Variants in PRKAR1B observed in about 807,000 individuals in gnomAD.
PRKAR1B encodes cAMP-dependent protein kinase type I-beta regulatory subunit.
PRKAR1B carries 22 observed loss-of-function variants against 46.5 expected under a neutral mutation model. The ratio of observed to expected loss-of-function variants is 0.47; its 90% CI spans 0.34 to 0.68. The LOEUF (loss-of-function observed/expected upper bound fraction) is 0.68. Among genes scored for constraint, PRKAR1B ranks in the 30% least tolerant of loss-of-function variants. The pLI is 0.01. For synonymous variants in PRKAR1B, 259 were observed against 217.7 expected (o/e 1.19, Z -1.67); for missense variants, 445 against 535.6 (o/e 0.83, Z 1.67).
chr7:720,586 G>C (rs776787309), intron 1 of PRKAR1B, among the ~76,000 whole-genome samples: 2 of 152,192 alleles, frequency 1.3e-5, no homozygotes, highest in Non-Finnish European at 2.9e-5. Flanking sequence ...GGCTGAAGTC[G>C]TCAACTGCAA....
rs535826247 is a variant in PRKAR1B at position 708,853 on chromosome 7, C to T, written c.177+2476G>A. ...TGTCGCCCAGGCCAGAGTGCAGTGA[C>T]GCATCTTTGCTCACTGCAACCTCCA... On this transcript the variant is annotated intron_variant, in intron 2 of 10. Transcript: ENST00000537384. 2.0e-5 allele frequency among the ~76,000 whole-genome samples: 3 copies of T among 148,086 alleles called. No homozygotes were observed. In the South Asian group the frequency reaches 6.5e-4, roughly 32 times the overall value.
chr7:699,306 G>T (rs149809543), intron 2 of PRKAR1B, among the ~76,000 whole-genome samples: 5 of 152,328 alleles, frequency 3.3e-5, no homozygotes, highest in Non-Finnish European at 7.3e-5. Flanking sequence ...AATTCGATGA[G>T]ATAAAGTATG....
At chr7:659,803 C>T (rs1785410645) in intron 4 of PRKAR1B, among the ~76,000 whole-genome samples, 1 of 152,156 alleles carries the variant, frequency 6.6e-6, no homozygotes, top group South Asian at 2.1e-4. Flanking sequence ...ACCTCCCGGG[C>T]TTAAGCGACC....
intron 2 of PRKAR1B, among the ~76,000 whole-genome samples, chr7:685,308 G>GTATATATATGTATACATA (rs373416786): frequency 8.8e-5 from 1 of 11,312 alleles, no homozygotes; most frequent in Non-Finnish European, 1.4e-4. Context: ...ATATATATAC[G>GTATATATATGTATACATA]TATATATACG....
intron 4 of PRKAR1B, among the ~76,000 whole-genome samples, chr7:626,181 A>G (rs950559515): frequency 2.6e-5 from 4 of 152,162 alleles, no homozygotes; most frequent in African/African-American, 9.7e-5. Flanking sequence ...GTAATTATTA[A>G]CCTTTCAAAA....
intron 9 of PRKAR1B, among the ~76,000 whole-genome samples, chr7:563,941 G>C (rs1013286229): frequency 2.0e-5 from 3 of 152,124 alleles, no homozygotes; most frequent in African/African-American, 7.2e-5. Context: ...GTGTGCATGG[G>C]TGCACACTGG....
chr7:583,163 C>T (rs890272847), intron 8 of PRKAR1B, among the ~76,000 whole-genome samples: 6 of 151,806 alleles, frequency 4.0e-5, no homozygotes, highest in Admixed American at 2.6e-4. Flanking sequence ...GTAGACTCAA[C>T]GGCCCTGAAA....
At chr7:601,495 C>T (rs1298796228) in intron 6 of PRKAR1B, among the ~76,000 whole-genome samples, 3 of 152,266 alleles carry the variant, frequency 2.0e-5, no homozygotes, top group Non-Finnish European at 4.4e-5. Flanking sequence ...AGATTCCTTA[C>T]TGAGCATCCT....
chr7:676,442 G>A (rs1218976384), intron 4 of PRKAR1B, among the ~76,000 whole-genome samples: 3 of 152,172 alleles, frequency 2.0e-5, no homozygotes, highest in Non-Finnish European at 2.9e-5. Flanking sequence ...TCTCCCCAAC[G>A]AGGCTGTGAG....
At chr7:654,461 C>A (rs2128491614) in intron 4 of PRKAR1B, among the ~76,000 whole-genome samples, 1 of 151,926 alleles carries the variant, frequency 6.6e-6, no homozygotes, top group Middle Eastern at 3.4e-3. Flanking sequence ...ATCTTCATCA[C>A]TACCATCACC....
At chr7:577,293 TCC>T (rs1173093970) in intron 9 of PRKAR1B, among the ~76,000 whole-genome samples, 1 of 152,202 alleles carries the variant, frequency 6.6e-6, no homozygotes, top group Non-Finnish European at 1.5e-5. Flanking sequence ...AGAGGTGCCC[TCC>T]TTCTGGACCC....
intron 9 of PRKAR1B, among the ~76,000 whole-genome samples, chr7:571,800 A>C (rs932034654): frequency 1.2e-4 from 18 of 152,076 alleles, no homozygotes; most frequent in Non-Finnish European, 2.5e-4. Context: ...GCACCGCCCC[A>C]CCCAGCCCCG....
intron 6 of PRKAR1B, chr7:603,316 C>T (rs1477142192): frequency 6.6e-6 from 1 of 152,356 alleles, no homozygotes; most frequent in African/African-American, 2.4e-5. Context: ...CTATCAAAGC[C>T]CAGCCGCAGA....
chr7:575,551 T>C (rs1219421233), intron 9 of PRKAR1B, among the ~76,000 whole-genome samples: 1 of 152,292 alleles, frequency 6.6e-6, no homozygotes, highest in East Asian at 1.9e-4. Flanking sequence ...TTTTTGGTTT[T>C]GGTTTTGGTT....
At chr7:656,337 A>C (rs545627583) in intron 4 of PRKAR1B, among the ~76,000 whole-genome samples, 1 of 152,236 alleles carries the variant, frequency 6.6e-6, no homozygotes, top group East Asian at 1.9e-4. Context: ...TGAATGGATG[A>C]TGCATGGGTG....
intron 1 of PRKAR1B, chr7:726,893 A>G: frequency 7.5e-7 from 1 of 1,336,578 alleles, no homozygotes; most frequent in South Asian, 1.8e-5. Context: ...CGCGCGCTGG[A>G]GGAGCCAGGC....
At chr7:721,937 TGTCA>T (rs1781087663) in intron 1 of PRKAR1B, among the ~76,000 whole-genome samples, 1 of 152,150 alleles carries the variant, frequency 6.6e-6, no homozygotes, top group Non-Finnish European at 1.5e-5. Flanking sequence ...TATTTCTCTC[TGTCA>T]GTTAGTACTT....
chr7:675,991 T>A (rs1786558851), intron 4 of PRKAR1B, among the ~76,000 whole-genome samples: 1 of 151,682 alleles, frequency 6.6e-6, no homozygotes, highest in Admixed American at 6.6e-5. Flanking sequence ...ACAGCCGCAG[T>A]AGGAAAACAG....
chr7:561,168 G>T (rs1431818627), intron 9 of PRKAR1B, among the ~76,000 whole-genome samples: 1 of 145,286 alleles, frequency 6.9e-6, no homozygotes, highest in East Asian at 2.0e-4. Flanking sequence ...CACACACACG[G>T]GTACGTGCAT....
Sources: allele counts gnomAD v4.1 joint callset (sites outside exome capture counted in the v4.1 genomes callset), GRCh38; gene constraint gnomAD v4.1.1; transcripts MANE v1.5; gene names NCBI Gene and HGNC (gene_info 2026-07-23, HGNC 2026-07-21).